Variants in MTMR2 observed in about 807,000 individuals in gnomAD.
MTMR2 encodes phosphatidylinositol-3,5-bisphosphate 3-phosphatase MTMR2.
A neutral mutation model predicts 86.9 loss-of-function variants in MTMR2; 55 were observed. The observed-to-expected ratio is 0.63, with a 90% CI of 0.51 to 0.79. MTMR2 has a LOEUF of 0.79. Ranked by LOEUF, MTMR2 falls within the 30% of genes least tolerant of loss-of-function variation. The pLI is 0.00. For synonymous variants in MTMR2, 241 were observed against 266.8 expected (o/e 0.90, Z 0.94); for missense variants, 659 against 772.3 (o/e 0.85, Z 1.74).
chr11:95,845,297 T>C (rs756614723), intron 10 of MTMR2, 138 bp from the exon 11 acceptor site: 2 of 809,614 alleles, frequency 2.5e-6, no homozygotes, highest in Non-Finnish European at 4.0e-6. Flanking sequence ...AAGAAGAATT[T>C]TTTTAAATGG....
intron 1 of MTMR2, among the ~76,000 whole-genome samples, chr11:95,898,019 G>C (rs923733492): frequency 2.0e-5 from 3 of 152,100 alleles, no homozygotes; most frequent in African/African-American, 7.2e-5. Flanking sequence ...ACACTTTGGA[G>C]TAATCTTGGT....
At chr11:95,843,786 G>A (rs932917412) in intron 11 of MTMR2, among the ~76,000 whole-genome samples, 4 of 151,574 alleles carry the variant, frequency 2.6e-5, no homozygotes, top group Admixed American at 1.3e-4. Flanking sequence ...TATATAATAA[G>A]CTTATTTCCT....
rs1487554792 is a variant in MTMR2 at position 95,851,037 on chromosome 11, G to GT, written c.655-289dup. On this transcript the variant is annotated intron_variant, in intron 7 of 14. Coordinates refer to ENST00000346299, the MANE Select transcript of MTMR2 (RefSeq NM_016156.6). ...CATATTCAGGAGGTGGAAGGAAACA[G>GT]TAAGACTTCAAATATTCCTTTTTTT... Among the ~76,000 whole-genome samples the GT allele has an allele frequency of 5.6e-5, 8 of 143,958 alleles. No individual in the cohort carries two copies. The South Asian group carries it at 1.6e-3, about 28-fold the overall frequency. 94.4% of individuals were successfully genotyped at this position (143,958 alleles called of 152,430 possible).
At position 95,849,862 on chromosome 11, in the gene MTMR2, C is replaced by T. The variant is rs1001486609; in HGVS notation, c.805G>A (p.Val269Ile). 2 of 1,613,562 alleles carry T rather than the reference C, an allele frequency of 1.2e-6. No homozygotes were observed. The highest frequency in any genetic ancestry group is 2.7e-5 in the African/African-American group (2 of 74,878). Residue 269 changes from valine (V) to isoleucine (I), a missense_variant and splice_region_variant, in exon 9 of 15, where the codon GTT becomes ATT. Val to Ile is a conservative substitution (Grantham distance 29). Coordinates refer to ENST00000346299, the MANE Select transcript of MTMR2 (RefSeq NM_016156.6). ...CTTTCAGGATGAATCCATGATAAAACCTTAATGAGGAAAAAATGGTAACAC... is the reference window on the plus strand; with the variant it reads ...CTTTCAGGATGAATCCATGATAAAATCTTAATGAGGAAAAAATGGTAACAC... Reference protein sequence around the residue: ...ASFRSRGRIPVLSWIHPESQA... With the variant: ...ASFRSRGRIPILSWIHPESQA...
At chr11:95,883,084 T>C (rs1865394364) in intron 2 of MTMR2, among the ~76,000 whole-genome samples, 2 of 151,924 alleles carry the variant, frequency 1.3e-5, no homozygotes, top group African/African-American at 2.4e-5. Flanking sequence ...TTCTGAATTG[T>C]TGACAAACAT....
chr11:95,845,185 TG>T lies in MTMR2; in HGVS notation c.1180-27del, dbSNP rs767174660. 21 of 1,571,760 alleles carry T rather than the reference TG, an allele frequency of 1.3e-5. No individual in the cohort carries two copies. The East Asian group carries it at 4.7e-4, about 35-fold the overall frequency. The stretch of plus-strand genomic sequence containing the variant: ...CTGGAAAACAGATTTTTTAATACAT[TG>T]TTTTTAAACAAGGTAAATACTTCCT... On this transcript the variant is annotated intron_variant, in intron 10 of 14. Transcript: ENST00000346299.
rs551765216 is a variant in MTMR2 at position 95,889,515 on chromosome 11, TG to T, written c.81-1255del. ...CCAAGAACAAAAATTATGTCTTTTTTGGGGGGGGAGGGGGGCGGGGGAGAAA... is the reference window on the plus strand; with the variant it reads ...CCAAGAACAAAAATTATGTCTTTTTTGGGGGGGAGGGGGGCGGGGGAGAAA... On this transcript the variant is annotated intron_variant, in intron 1 of 14. Coordinates refer to ENST00000346299, the MANE Select transcript of MTMR2 (RefSeq NM_016156.6). Among the ~76,000 whole-genome samples, 669 of 117,546 alleles carry T rather than the reference TG, an allele frequency of 5.7e-3. 4 individuals carry two copies. The highest frequency in any genetic ancestry group is 0.022 in the African/African-American group (619 of 28,740). The allele number at this position is 117,546 out of a possible 152,430, so 77.1% of individuals were successfully genotyped here.
rs964922372 is a variant in MTMR2 at position 95,835,004 on chromosome 11, C to T, written c.*286G>A. The T allele has an allele frequency of 7.6e-6, 3 of 395,546 alleles. No individual in the cohort carries two copies. Among genetic ancestry groups the T allele is most frequent in the African/African-American group, 6.1e-5 (3 of 49,130 alleles). The allele number at this position is 395,546 out of a possible 1,614,324, so 24.5% of individuals were successfully genotyped here. On this transcript the variant is annotated 3_prime_UTR_variant, in exon 15 of 15. Transcript: ENST00000346299. ...GCCAAAAATTTGTAACAGCATTTGC[C>T]TTTTAATAGAAACTTGTTCCCACTG...
chr11:95,837,893 T>C (rs1863356757), intron 13 of MTMR2, among the ~76,000 whole-genome samples: 1 of 152,086 alleles, frequency 6.6e-6, no homozygotes, highest in Admixed American at 6.6e-5. Context: ...GACAGCTAGC[T>C]AGCACCTTCA....
At chr11:95,844,838 C>A in intron 11 of MTMR2, 115 bp downstream of exon 11, 1 of 953,972 alleles carries the variant, frequency 1.0e-6, no homozygotes. Flanking sequence ...AAACGTTTAC[C>A]CCACTAGATA....
At chr11:95,899,936 A>G (rs774251798) in intron 1 of MTMR2, among the ~76,000 whole-genome samples, 3 of 152,162 alleles carry the variant, frequency 2.0e-5, no homozygotes, top group Non-Finnish European at 4.4e-5. Flanking sequence ...GAAGCCATCA[A>G]ACATTTCTGA....
intron 5 of MTMR2, 123 bp from the exon 6 acceptor site, chr11:95,858,755 C>G: frequency 1.4e-6 from 1 of 691,390 alleles, no homozygotes; most frequent in East Asian, 2.7e-5. Context: ...AAAAATAAAT[C>G]AGACATCAGC....
intron 9 of MTMR2, 115 bp downstream of exon 9, chr11:95,849,559 C>T: frequency 1.0e-6 from 1 of 953,206 alleles, no homozygotes; most frequent in Middle Eastern, 3.1e-4. Flanking sequence ...AGAGCCAAGA[C>T]AAGAACCTAT....
intron 1 of MTMR2, 30 bp from the exon 2 acceptor site, chr11:95,888,291 A>T (rs1339443651): frequency 1.4e-5 from 21 of 1,501,870 alleles, no homozygotes; most frequent in Non-Finnish European, 1.9e-5. Context: ...AGTATGTTGG[A>T]AAAATGGGGG....
chr11:95,840,448 G>T (rs1166249175), intron 12 of MTMR2, among the ~76,000 whole-genome samples: 1 of 152,002 alleles, frequency 6.6e-6, no homozygotes, highest in Non-Finnish European at 1.5e-5. Context: ...AATTCCAAAG[G>T]AAAAAGTCAA....
At chr11:95,850,558 T>A (rs769119240) in intron 8 of MTMR2, 42 bp downstream of exon 8, 1 of 1,591,896 alleles carries the variant, frequency 6.3e-7, no homozygotes, top group East Asian at 2.2e-5. Flanking sequence ...TTATGTTGAG[T>A]AAAAAAGCAC....
intron 1 of MTMR2, among the ~76,000 whole-genome samples, chr11:95,892,874 A>T (rs1405439271): frequency 6.6e-6 from 1 of 152,026 alleles, no homozygotes; most frequent in Non-Finnish European, 1.5e-5. Flanking sequence ...ACCTCTCCTC[A>T]CAGGAATCCA....
chr11:95,879,307 A>C (rs1446498304), intron 2 of MTMR2, among the ~76,000 whole-genome samples: 1 of 152,180 alleles, frequency 6.6e-6, no homozygotes, highest in African/African-American at 2.4e-5. Context: ...GGAACAGCAA[A>C]GTACACATAG....
chr11:95,844,194 G>A (rs939373237), intron 11 of MTMR2, among the ~76,000 whole-genome samples: 1 of 152,156 alleles, frequency 6.6e-6, no homozygotes, highest in African/African-American at 2.4e-5. Context: ...ATTCTTTGAA[G>A]TACGAGTTTG....
Sources: gnomAD v4.1 joint callset for allele counts (sites outside exome capture counted in the v4.1 genomes callset) on GRCh38, gnomAD v4.1.1 for gene constraint, MANE v1.5 for transcripts, NCBI Gene and HGNC (gene_info 2026-07-23, HGNC 2026-07-21) for gene names.